PTPRT: variants seen among roughly 807,000 people sequenced by gnomAD.
PTPRT encodes protein tyrosine phosphatase receptor type T, also known as receptor-type tyrosine-protein phosphatase T.
In PTPRT, 56 loss-of-function variants were observed where a neutral mutation model predicts 176.8. The observed-to-expected ratio is 0.32, with a 90% CI of 0.26 to 0.40. The LOEUF is 0.40. Ranked by LOEUF, PTPRT falls within the 10% of genes least tolerant of loss-of-function variation. The probability of loss-of-function intolerance (pLI) is 1.00; values close to 1 mark genes in which losing one functional copy is unlikely to be tolerated. For missense variants in PTPRT, 1,540 were observed against 1,908.2 expected, an observed-to-expected ratio of 0.81 and a Z score of 3.60; for synonymous variants, 783 against 739.0, an observed-to-expected ratio of 1.06 and a Z score of -0.96.
intron 7 of PTPRT, among the ~76,000 whole-genome samples, chr20:42,666,555 T>C (rs1274674694): frequency 2.0e-5 from 3 of 152,184 alleles, no homozygotes; most frequent in Admixed American, 6.5e-5. Flanking sequence ...AGTTTCAAAA[T>C]GAATCCCATT....
At chr20:42,566,276 C>T (rs981301701) in intron 7 of PTPRT, among the ~76,000 whole-genome samples, 6 of 150,458 alleles carry the variant, frequency 4.0e-5, no homozygotes, top group Non-Finnish European at 8.9e-5. Flanking sequence ...GCTGGGATTA[C>T]GTGTGTGCAG....
intron 9 of PTPRT, among the ~76,000 whole-genome samples, chr20:42,447,241 T>C (rs2070749885): frequency 6.6e-6 from 1 of 152,158 alleles, no homozygotes; most frequent in Admixed American, 6.5e-5. Context: ...CAGTCTGGGA[T>C]GCTTGTGTCT....
At chr20:43,101,505 C>G (rs1408792158) in intron 1 of PTPRT, among the ~76,000 whole-genome samples, 1 of 152,032 alleles carries the variant, frequency 6.6e-6, no homozygotes, top group Admixed American at 6.6e-5. Context: ...CCTCATAGCT[C>G]TAATGATTAA....
chr20:42,716,882 T>A (rs1232302315), intron 6 of PTPRT, among the ~76,000 whole-genome samples: 1 of 152,120 alleles, frequency 6.6e-6, no homozygotes, highest in Non-Finnish European at 1.5e-5. Flanking sequence ...TCATGTCCTT[T>A]GTAGGGACAT....
intron 7 of PTPRT, among the ~76,000 whole-genome samples, chr20:42,621,726 A>G (rs1168122248): frequency 6.6e-6 from 1 of 152,184 alleles, no homozygotes; most frequent in Non-Finnish European, 1.5e-5. Context: ...CTCATCTAGT[A>G]CTATGAATTA....
chr20:42,657,980 GA>G (rs1292256540), intron 7 of PTPRT, among the ~76,000 whole-genome samples: 2 of 142,820 alleles, frequency 1.4e-5, no homozygotes, highest in Non-Finnish European at 3.0e-5. Flanking sequence ...ACCTTTTCTT[GA>G]AAATTATCTT....
At chr20:42,687,255 T>A (rs1190905727) in intron 6 of PTPRT, 1 of 152,178 alleles carries the variant, frequency 6.6e-6, no homozygotes, top group East Asian at 1.9e-4. Context: ...CAAGACAGTC[T>A]ACAGTCATGT....
intron 18 of PTPRT, among the ~76,000 whole-genome samples, chr20:42,141,005 G>A (rs1317812000): frequency 6.6e-6 from 1 of 152,098 alleles, no homozygotes; most frequent in African/African-American, 2.4e-5. Flanking sequence ...TAGAAACCTG[G>A]GCAGTTTGAC....
chr20:42,708,312 C>T (rs191019333), intron 6 of PTPRT, among the ~76,000 whole-genome samples: 47 of 152,242 alleles, frequency 3.1e-4, no homozygotes, highest in Non-Finnish European at 5.3e-4. Context: ...CCCCAGCCCA[C>T]ATTGAACAGA....
chr20:42,771,601 C>A lies in PTPRT; in HGVS notation c.569-51G>T, dbSNP rs763328098. The A allele has an allele frequency of 2.0e-6, 3 of 1,484,802 alleles. No homozygotes were observed. In the South Asian group the frequency reaches 3.4e-5, roughly 17 times the overall value. The allele number at this position is 1,484,802 out of a possible 1,614,324, so 92.0% of individuals were successfully genotyped here. On this transcript the variant is annotated intron_variant, in intron 4 of 30. Transcript: ENST00000373187. ...GAGAATGAGATTCGACAGCCTGCAC[C>A]ACTTCCCTATTGGTGGATGGCAGCT...
rs372117159 is a variant in PTPRT at position 43,078,298 on chromosome 20, C to A, written c.88+111348G>T. Among the ~76,000 whole-genome samples, 27 of 152,342 alleles carry A rather than the reference C, an allele frequency of 1.8e-4. No homozygotes were observed. The East Asian group carries it at 3.7e-3, about 21-fold the overall frequency. On this transcript the variant is annotated intron_variant, in intron 1 of 30. Transcript: ENST00000373187. Reference sequence around the variant, plus strand: ...TGTCTTGTGAACTTGGTCAGGGAAGCAGTCTCCTTGAAGCTGACCACTCAG... The same window carrying A: ...TGTCTTGTGAACTTGGTCAGGGAAGAAGTCTCCTTGAAGCTGACCACTCAG...
At chr20:42,379,025 C>T (rs2058675033) in intron 9 of PTPRT, among the ~76,000 whole-genome samples, 1 of 152,182 alleles carries the variant, frequency 6.6e-6, no homozygotes. Context: ...CTACCGTGCC[C>T]CCACAGCTCC....
intron 1 of PTPRT, among the ~76,000 whole-genome samples, chr20:42,972,590 C>T (rs758205580): frequency 2.8e-5 from 4 of 144,372 alleles, no homozygotes; most frequent in Non-Finnish European, 4.5e-5. Flanking sequence ...TTGAACCCAG[C>T]AGGCGGAGGT....
chr20:42,154,174 C>T (rs971801425), intron 17 of PTPRT, among the ~76,000 whole-genome samples: 8 of 152,298 alleles, frequency 5.3e-5, no homozygotes, highest in African/African-American at 1.4e-4. Flanking sequence ...GAACCATGCT[C>T]ATCTGCAAAT....
chr20:43,019,099 T>C (rs1317839198), intron 1 of PTPRT, among the ~76,000 whole-genome samples: 1 of 152,194 alleles, frequency 6.6e-6, no homozygotes, highest in Admixed American at 6.5e-5. Flanking sequence ...AATTATACTA[T>C]ATCTAGGTAA....
intron 1 of PTPRT, among the ~76,000 whole-genome samples, chr20:42,992,132 C>T (rs759861053): frequency 2.0e-5 from 3 of 152,004 alleles, no homozygotes; most frequent in Admixed American, 6.6e-5. Context: ...TAAAAGACTG[C>T]CCAATTTGGT....
intron 9 of PTPRT, among the ~76,000 whole-genome samples, chr20:42,393,810 C>T (rs955450835): frequency 6.6e-6 from 1 of 152,094 alleles, no homozygotes; most frequent in South Asian, 2.1e-4. Context: ...TTTTACATAT[C>T]GTGGCGATAT....
intron 9 of PTPRT, among the ~76,000 whole-genome samples, chr20:42,444,313 A>G (rs532881935): frequency 2.0e-4 from 28 of 141,306 alleles, no homozygotes; most frequent in African/African-American, 7.2e-4. Context: ...AACTCCAAAA[A>G]GAGGTAGAAT....
At chr20:42,272,621 C>A (rs925987734) in intron 13 of PTPRT, among the ~76,000 whole-genome samples, 2 of 152,106 alleles carry the variant, frequency 1.3e-5, no homozygotes, top group African/African-American at 4.8e-5. Context: ...ACTAGGGTGT[C>A]CTTCCCCAAA....
Sources: gnomAD v4.1 joint callset for allele counts (sites outside exome capture counted in the v4.1 genomes callset) on GRCh38, gnomAD v4.1.1 for gene constraint, MANE v1.5 for transcripts, NCBI Gene and HGNC (gene_info 2026-07-23, HGNC 2026-07-21) for gene names.